Variants in SDCCAG8 observed in about 807,000 individuals in gnomAD.
SDCCAG8 encodes serologically defined colon cancer antigen 8.
SDCCAG8 carries 74 observed loss-of-function variants against 101.8 expected under a neutral mutation model. The observed-to-expected ratio is 0.73, with a 90% CI of 0.60 to 0.88. The LOEUF is 0.88. Among genes scored for constraint, SDCCAG8 ranks in the 40% least tolerant of loss-of-function variants. The pLI, the probability that SDCCAG8 is intolerant of heterozygous loss-of-function variation, is 0.00. For missense variants in SDCCAG8, 787 were observed against 822.6 expected (o/e 0.96, Z 0.53); for synonymous variants, 281 against 292.9 (o/e 0.96, Z 0.41).
At chr1:243,352,364 T>A (rs2076126916) in intron 12 of SDCCAG8, among the ~76,000 whole-genome samples, 1 of 152,222 alleles carries the variant, frequency 6.6e-6, no homozygotes, top group Non-Finnish European at 1.5e-5. Flanking sequence ...ATATAATGTT[T>A]GCTATATTTT....
intron 13 of SDCCAG8, among the ~76,000 whole-genome samples, chr1:243,384,900 T>C (rs1218750389): frequency 1.3e-5 from 2 of 152,258 alleles, no homozygotes; most frequent in Non-Finnish European, 2.9e-5. Flanking sequence ...ACTGTTAATA[T>C]TATTCAAACA....
At chr1:243,485,284 A>G (rs1032709928) in intron 16 of SDCCAG8, among the ~76,000 whole-genome samples, 3 of 152,236 alleles carry the variant, frequency 2.0e-5, no homozygotes, top group Non-Finnish European at 4.4e-5. Context: ...TCCTAGGACT[A>G]TAGTGAACTT....
chr1:243,473,919 C>A (rs1370802769), intron 16 of SDCCAG8, among the ~76,000 whole-genome samples: 3 of 3,446 alleles, frequency 8.7e-4, no homozygotes, highest in Non-Finnish European at 2.3e-3. Flanking sequence ...GGAGAGTTGC[C>A]GGCGGGGGGG....
intron 4 of SDCCAG8, among the ~76,000 whole-genome samples, chr1:243,279,233 G>A (rs1211343335): frequency 6.6e-6 from 1 of 152,142 alleles, no homozygotes; most frequent in Non-Finnish European, 1.5e-5. Context: ...TTAGCTATAG[G>A]TTATTTGTAG....
At chr1:243,463,519 T>G (rs1659540152) in intron 16 of SDCCAG8, among the ~76,000 whole-genome samples, 1 of 152,192 alleles carries the variant, frequency 6.6e-6, no homozygotes, top group Non-Finnish European at 1.5e-5. Context: ...CAGCCAGGGC[T>G]GCTCCTGTGT....
At chr1:243,359,480 A>G (rs148204597) in intron 12 of SDCCAG8, among the ~76,000 whole-genome samples, 48 of 152,300 alleles carry the variant, frequency 3.2e-4, no homozygotes, top group African/African-American at 1.1e-3. Context: ...TCCAAGTCAT[A>G]TTTTAGCCCA....
At chr1:243,473,161 T>C (rs970140896) in intron 16 of SDCCAG8, among the ~76,000 whole-genome samples, 1 of 152,154 alleles carries the variant, frequency 6.6e-6, no homozygotes. Context: ...AATCCCTACT[T>C]TAATCTCTTT....
In SDCCAG8 at chr1:243,484,914, C is replaced by T. The variant is rs139302348; in HGVS notation, c.1986-4100C>T. Among the ~76,000 whole-genome samples, 381 of 152,078 alleles carry T rather than the reference C, an allele frequency of 2.5e-3. 15 individuals carry two copies. In the East Asian group the frequency reaches 0.067, roughly 27 times the overall value. ...CAAAAATTAGACAGGTGTGGTGGTG[C>T]GCGCCTATAGTCCCAGCTACCTGGG... On this transcript the variant is annotated intron_variant, in intron 16 of 17. Transcript: ENST00000366541.
chr1:243,426,538 AC>A lies in SDCCAG8; in HGVS notation c.1966del (p.His656MetfsTer4). ...AACAGTGTGTCCAGCATGGGAGAGT[AC>A]ATGAGACGATGAAGCAAAGGTAATC... ...EEQCVQHGRV[H>X]ETMKQRLRQL... On this transcript the variant is annotated frameshift_variant, in exon 16 of 18. Coordinates refer to ENST00000366541, the MANE Select transcript of SDCCAG8 (RefSeq NM_006642.5). LOFTEE classifies it high-confidence loss of function. 2 of 1,614,042 alleles carry A rather than the reference AC, an allele frequency of 1.2e-6. No individual in the cohort carries two copies. Among genetic ancestry groups the A allele is most frequent in the Non-Finnish European group, 1.7e-6 (2 of 1,179,936 alleles).
chr1:243,270,038 C>T (rs1572870959), intron 1 of SDCCAG8, 67 bp from the exon 2 acceptor site: 5 of 1,611,006 alleles, frequency 3.1e-6, no homozygotes, highest in Non-Finnish European at 4.2e-6. Context: ...AACTGCCTTC[C>T]TGAGTAAGTG....
intron 12 of SDCCAG8, among the ~76,000 whole-genome samples, chr1:243,349,652 G>A (rs1445924867): frequency 6.6e-6 from 1 of 152,058 alleles, no homozygotes; most frequent in African/African-American, 2.4e-5. Context: ...AAAATCTAAT[G>A]GCATTACTCA....
At chr1:243,269,826 C>T (rs2067940259) in intron 1 of SDCCAG8, among the ~76,000 whole-genome samples, 1 of 152,108 alleles carries the variant, frequency 6.6e-6, no homozygotes, top group South Asian at 2.1e-4. Flanking sequence ...GGGAAGAGTT[C>T]TGTCATTTAA....
Position 243,256,090 on chromosome 1 carries a change from C to G in SDCCAG8, c.-84C>G. The G allele has an allele frequency of 4.4e-6, 6 of 1,363,792 alleles. No homozygotes were observed. Among genetic ancestry groups the G allele is most frequent in the East Asian group, 4.6e-5 (2 of 43,786 alleles). 84.5% of individuals were successfully genotyped at this position (1,363,792 alleles called of 1,614,324 possible). Reference sequence around the variant, plus strand: ...GCGGCAGGAAGCAGGCGGGCGCTCCCCGGCCACAGGCCTGTTGTTCTCGGA... The same window carrying G: ...GCGGCAGGAAGCAGGCGGGCGCTCCGCGGCCACAGGCCTGTTGTTCTCGGA... On this transcript the variant is annotated 5_prime_UTR_variant, in exon 1 of 18. Coordinates refer to ENST00000366541, the MANE Select transcript of SDCCAG8 (RefSeq NM_006642.5).
chr1:243,400,797 T>C (rs1022244195), intron 13 of SDCCAG8, among the ~76,000 whole-genome samples: 12 of 152,358 alleles, frequency 7.9e-5, no homozygotes, highest in Non-Finnish European at 1.6e-4. Context: ...GATGTTATTG[T>C]GGATGCTCTC....
chr1:243,476,063 T>A, intron 16 of SDCCAG8: 2 of 985,432 alleles, frequency 2.0e-6, no homozygotes, highest in Non-Finnish European at 2.4e-6. Flanking sequence ...CATCATATTA[T>A]CCCAACACTC....
intron 12 of SDCCAG8, among the ~76,000 whole-genome samples, chr1:243,369,260 G>T (rs941344950): frequency 1.3e-5 from 2 of 152,054 alleles, no homozygotes; most frequent in African/African-American, 2.4e-5. Flanking sequence ...CTTGTGTTTG[G>T]CAATGTTTGT....
At chr1:243,406,649 G>A (rs1281869901) in intron 13 of SDCCAG8, among the ~76,000 whole-genome samples, 1 of 152,092 alleles carries the variant, frequency 6.6e-6, no homozygotes, top group African/African-American at 2.4e-5. Flanking sequence ...CCCTCAGGAC[G>A]AGGGCCTTAA....
intron 6 of SDCCAG8, among the ~76,000 whole-genome samples, chr1:243,301,971 G>A (rs2071554832): frequency 6.6e-6 from 1 of 152,120 alleles, no homozygotes; most frequent in Non-Finnish European, 1.5e-5. Context: ...GGAGAGGCTG[G>A]GTGTGGTGGC....
Position 243,298,474 on chromosome 1 carries a change from C to T in SDCCAG8, c.675+5255C>T, listed in dbSNP as rs566867661. Among the ~76,000 whole-genome samples, 26 of 151,110 alleles carry T rather than the reference C, an allele frequency of 1.7e-4. No homozygotes were observed. In the South Asian group the frequency reaches 5.0e-3, roughly 29 times the overall value. ...CCGGGTTCAAGCGATTCTCCCACCA[C>T]GGCCAGCTAACTTTGTATTTTTAGT... is the stretch of plus-strand genomic sequence containing the variant. On this transcript the variant is annotated intron_variant, in intron 6 of 17. Coordinates refer to ENST00000366541, the MANE Select transcript of SDCCAG8 (RefSeq NM_006642.5).
Sources: gnomAD v4.1 joint callset for allele counts (sites outside exome capture counted in the v4.1 genomes callset) on GRCh38, gnomAD v4.1.1 for gene constraint, MANE v1.5 for transcripts, NCBI Gene and HGNC (gene_info 2026-07-23, HGNC 2026-07-21) for gene names.